Variants in TASP1 observed in about 807,000 individuals in gnomAD.
TASP1 encodes the protein taspase 1, also known as threonine aspartase 1.
A neutral mutation model predicts 56.6 loss-of-function variants in TASP1; 16 were observed. The observed-to-expected ratio is 0.28, with a 90% CI of 0.19 to 0.43. TASP1 has a LOEUF of 0.43. Ranked by LOEUF, TASP1 falls within the 20% of genes least tolerant of loss-of-function variation. The pLI is 1.00. For missense variants in TASP1, 393 were observed against 511.6 expected (o/e 0.77, Z 2.24); for synonymous variants, 179 against 184.2 (o/e 0.97, Z 0.23).
intron 10 of TASP1, among the ~76,000 whole-genome samples, chr20:13,499,384 G>A (rs2146630755): frequency 6.6e-6 from 1 of 151,158 alleles, no homozygotes; most frequent in South Asian, 2.1e-4. Flanking sequence ...TGGGTGATGA[G>A]ATCAGTGTCA....
At chr20:13,583,002 C>T (rs142809049) in intron 5 of TASP1, among the ~76,000 whole-genome samples, 1 of 152,292 alleles carries the variant, frequency 6.6e-6, no homozygotes, top group East Asian at 1.9e-4. Flanking sequence ...CCACAGGGAG[C>T]AGCTTTCTCC....
the TASP1 span, among the ~76,000 whole-genome samples, chr20:13,203,783 A>C: frequency 6.6e-6 from 1 of 152,212 alleles, no homozygotes; most frequent in South Asian, 2.1e-4. Flanking sequence ...CTAAATGGAA[A>C]ACAAAGAAGG....
At chr20:13,472,055 C>T (rs2044523226) in intron 11 of TASP1, among the ~76,000 whole-genome samples, 1 of 151,696 alleles carries the variant, frequency 6.6e-6, no homozygotes, top group Non-Finnish European at 1.5e-5. Flanking sequence ...GCAAAAAGAA[C>T]AAAGCTGGAG....
the TASP1 span, among the ~76,000 whole-genome samples, chr20:13,111,107 T>G: frequency 2.0e-5 from 3 of 152,262 alleles, no homozygotes; most frequent in African/African-American, 4.8e-5. Flanking sequence ...AAAATAATAA[T>G]AATAAGAAGC....
chr20:13,288,394 C>A, the TASP1 span: 1 of 830,594 alleles, frequency 1.2e-6, no homozygotes, highest in South Asian at 1.8e-5. Flanking sequence ...GAGCTGTAAA[C>A]CTTTTAGCTC....
chr20:13,593,750 AC>A (rs2047625254), intron 4 of TASP1, among the ~76,000 whole-genome samples: 1 of 152,238 alleles, frequency 6.6e-6, no homozygotes, highest in African/African-American at 2.4e-5. Context: ...TACTGCCTCT[AC>A]AAACTCCACC....
the TASP1 span, among the ~76,000 whole-genome samples, chr20:13,246,055 G>C: frequency 6.6e-6 from 1 of 152,192 alleles, no homozygotes; most frequent in African/African-American, 2.4e-5. Flanking sequence ...ATCACTTGAA[G>C]TCAGGCGTTC....
chr20:13,220,586 C>T, the TASP1 span, among the ~76,000 whole-genome samples: 12 of 152,226 alleles, frequency 7.9e-5, no homozygotes, highest in Admixed American at 3.3e-4. Flanking sequence ...TGCGTCTCTG[C>T]AGCTTCCAGC....
At chr20:13,153,103 T>C in the TASP1 span, among the ~76,000 whole-genome samples, 2 of 152,192 alleles carry the variant, frequency 1.3e-5, no homozygotes, top group Admixed American at 1.3e-4. Context: ...TGGGCTGATT[T>C]CTAGGGGACT....
the TASP1 span, among the ~76,000 whole-genome samples, chr20:13,120,582 C>A: frequency 2.6e-3 from 395 of 152,166 alleles, 1 homozygote; most frequent in African/African-American, 9.2e-3. Context: ...GTAACAGTGT[C>A]TAGGAGGTTC....
At chr20:13,311,216 T>TGATAGATA in the TASP1 span, among the ~76,000 whole-genome samples, 2,476 of 133,208 alleles carry the variant, frequency 0.019, 43 homozygotes, top group Non-Finnish European at 0.022. Flanking sequence ...TATAGATAGA[T>TGATAGATA]GATAGATAGA....
In TASP1 at chr20:13,433,520, C is replaced by CAAAAAAAAAAAAAAAAA. The variant is rs74746255; in HGVS notation, c.1096+1507_1096+1523dup. 1.6e-4 allele frequency among the ~76,000 whole-genome samples: 14 copies of CAAAAAAAAAAAAAAAAA among 89,194 alleles called. 1 individual carries two copies. Among genetic ancestry groups the CAAAAAAAAAAAAAAAAA allele is most frequent in the African/African-American group, 6.7e-4 (14 of 20,970 alleles). 58.5% of individuals were successfully genotyped at this position (89,194 alleles called of 152,430 possible). A position where few individuals can be genotyped will look rare whatever the true frequency, so the allele number is the denominator to read the frequency against. On this transcript the variant is annotated intron_variant, in intron 12 of 13. Coordinates refer to ENST00000337743, the MANE Select transcript of TASP1 (RefSeq NM_017714.3). ...CAGAGGGTAGAAGGAGACAGTATGG[C>CAAAAAAAAAAAAAAAAA]AAAAAAAAAAAAAAAAAAAAATACA...
At chr20:13,369,627 G>A in the TASP1 span, among the ~76,000 whole-genome samples, 1 of 152,140 alleles carries the variant, frequency 6.6e-6, no homozygotes. Context: ...AAATGGCTGT[G>A]TCGCAATTTC....
chr20:13,509,517 T>C (rs758619831), intron 10 of TASP1, among the ~76,000 whole-genome samples: 5 of 152,196 alleles, frequency 3.3e-5, no homozygotes, highest in Non-Finnish European at 5.9e-5. Context: ...GGTAACTATG[T>C]GAGTTGATGG....
At chr20:13,403,714 T>C (rs570828875) in intron 13 of TASP1, among the ~76,000 whole-genome samples, 1 of 152,218 alleles carries the variant, frequency 6.6e-6, no homozygotes, top group Admixed American at 6.5e-5. Flanking sequence ...AGACCCTGTC[T>C]TGACAAGAAA....
At chr20:13,417,621 ACACT>A in intron 12 of TASP1, 100 bp from the exon 13 acceptor site, 3 of 1,251,354 alleles carry the variant, frequency 2.4e-6, no homozygotes, top group Non-Finnish European at 2.2e-6. Context: ...TATATTTAAC[ACACT>A]CAGTTCCCCA....
chr20:13,126,164 T>A, the TASP1 span, among the ~76,000 whole-genome samples: 51 of 152,324 alleles, frequency 3.3e-4, no homozygotes, highest in South Asian at 2.5e-3. Context: ...CTAGTTTGCA[T>A]GGACTGTGAC....
chr20:13,362,324 T>C, the TASP1 span, among the ~76,000 whole-genome samples: 1 of 151,854 alleles, frequency 6.6e-6, no homozygotes, highest in Non-Finnish European at 1.5e-5. Flanking sequence ...AACTGAAGAA[T>C]CACAAAAGGA....
At chr20:13,633,879 T>C (rs2049190476) in intron 1 of TASP1, among the ~76,000 whole-genome samples, 1 of 152,300 alleles carries the variant, frequency 6.6e-6, no homozygotes, top group South Asian at 2.1e-4. Flanking sequence ...GCTTTATTTC[T>C]GACAAAAATG....
Sources: allele counts gnomAD v4.1 joint callset (sites outside exome capture counted in the v4.1 genomes callset), GRCh38; gene constraint gnomAD v4.1.1; transcripts MANE v1.5; gene names NCBI Gene and HGNC (gene_info 2026-07-23, HGNC 2026-07-21).